Variants in BRCA1 observed in about 807,000 individuals in gnomAD.
BRCA1 encodes the protein breast cancer type 1 susceptibility protein.
Under a neutral mutation model 173.7 loss-of-function variants are expected in BRCA1, and 140 were observed. The observed-to-expected ratio is 0.81, with a 90% confidence interval of 0.70 to 0.93. BRCA1 has a LOEUF of 0.93. BRCA1 is among the 40% of genes least tolerant of loss of function. The probability of loss-of-function intolerance (pLI) is 0.00; values close to 1 mark genes in which losing one functional copy is unlikely to be tolerated. For missense variants in BRCA1, 1,983 were observed against 2,172.5 expected (o/e 0.91, Z 1.73); for synonymous variants, 662 against 756.0 (o/e 0.88, Z 2.04).
intron 18 of BRCA1, among the ~76,000 whole-genome samples, chr17:43,060,144 C>T (rs2051683948): frequency 6.6e-6 from 1 of 152,088 alleles, no homozygotes; most frequent in South Asian, 2.1e-4. Context: ...GATCTCAGCT[C>T]ACCACAACCT....
chr17:43,162,089 T>C (rs1277209659), intron 1 of BRCA1: 1 of 152,140 alleles, frequency 6.6e-6, no homozygotes, highest in African/African-American at 2.4e-5. Flanking sequence ...ATCAAGGGGA[T>C]TGGTTATTAC....
chr17:43,072,825 A>G (rs1471608692), intron 14 of BRCA1, among the ~76,000 whole-genome samples: 6 of 151,016 alleles, frequency 4.0e-5, no homozygotes, highest in Non-Finnish European at 7.4e-5. Flanking sequence ...CGGCCTCCCA[A>G]AGTGCTGGGA....
chr17:43,055,535 A>G (rs927171093), intron 19 of BRCA1, among the ~76,000 whole-genome samples: 1 of 152,226 alleles, frequency 6.6e-6, no homozygotes, highest in Non-Finnish European at 1.5e-5. Flanking sequence ...CTGTAATCCC[A>G]GCACTTTGGG....
intron 14 of BRCA1, among the ~76,000 whole-genome samples, chr17:43,072,567 A>ATT (rs75947060): frequency 1.1e-4 from 15 of 138,726 alleles, no homozygotes; most frequent in African/African-American, 3.7e-4. Context: ...CTTCCAGCTG[A>ATT]TTTTTTTTTT....
intron 3 of BRCA1, among the ~76,000 whole-genome samples, chr17:43,109,089 A>G: frequency 7.2e-6 from 1 of 138,856 alleles, no homozygotes; most frequent in Non-Finnish European, 1.6e-5. Context: ...TGAACTCCCG[A>G]CCTCAAGTGA....
At chr17:43,132,075 T>C (rs1157844116) in intron 1 of BRCA1, among the ~76,000 whole-genome samples, 2 of 152,188 alleles carry the variant, frequency 1.3e-5, no homozygotes, top group Non-Finnish European at 2.9e-5. Context: ...TGAGCCATTG[T>C]GCCCAGCCAG....
intron 1 of BRCA1, among the ~76,000 whole-genome samples, chr17:43,135,696 C>T (rs117036670): frequency 0.019 from 2,960 of 152,308 alleles, 50 homozygotes; most frequent in Non-Finnish European, 0.028. Context: ...CGGCTCCAAC[C>T]GATTCCACTT....
intron 1 of BRCA1, among the ~76,000 whole-genome samples, chr17:43,137,543 A>G (rs1158390960): frequency 6.6e-6 from 1 of 152,016 alleles, no homozygotes; most frequent in Non-Finnish European, 1.5e-5. Flanking sequence ...AAAGCAGCAT[A>G]CAAGGATGTT....
intron 11 of BRCA1, among the ~76,000 whole-genome samples, chr17:43,083,090 T>A (rs1469764046): frequency 6.6e-6 from 1 of 152,176 alleles, no homozygotes; most frequent in African/African-American, 2.4e-5. Flanking sequence ...AAAAATACTA[T>A]CAGTAATCCT....
chr17:43,071,290 A>G, intron 14 of BRCA1, 52 bp from the exon 15 acceptor site: 1 of 1,584,924 alleles, frequency 6.3e-7, no homozygotes. Flanking sequence ...GTTGAATTAC[A>G]AAGTTCTGGT....
intron 3 of BRCA1, among the ~76,000 whole-genome samples, 173 bp downstream of exon 3, chr17:43,115,553 T>C (rs2055228183): frequency 1.3e-5 from 2 of 152,060 alleles, no homozygotes; most frequent in South Asian, 4.1e-4. Context: ...GAACTATGAT[T>C]ACAACCAACT....
chr17:43,053,799 A>G (rs1265201133), intron 19 of BRCA1, among the ~76,000 whole-genome samples: 2 of 151,492 alleles, frequency 1.3e-5, no homozygotes, highest in East Asian at 2.0e-4. Context: ...GAGAAACCCC[A>G]TCTCTACTAA....
At chr17:43,058,409 A>G (rs8176277) in intron 18 of BRCA1, among the ~76,000 whole-genome samples, 10 of 152,250 alleles carry the variant, frequency 6.6e-5, no homozygotes, top group South Asian at 4.1e-4. Context: ...TAAAACAAAA[A>G]AAAGAAAGAA....
rs138794811 is a variant in BRCA1, at chr17:43,112,307, C to T, written c.134+3419G>A. On this transcript the variant is annotated intron_variant, in intron 3 of 22. Coordinates refer to ENST00000357654, the MANE Select transcript of BRCA1 (RefSeq NM_007294.4). ...GTTACCATATTGGCCAGGCTGGTCT[C>T]GAACTCCTGACCTCGTGATCCGCCC... is the stretch of plus-strand genomic sequence containing the variant. 3.6e-4 allele frequency among the ~76,000 whole-genome samples: 55 copies of T among 152,206 alleles called. 1 individual carries two copies. The highest frequency in any genetic ancestry group is 1.2e-3 in the African/African-American group (50 of 41,518).
At chr17:43,089,879 C>T (rs990613655) in intron 11 of BRCA1, among the ~76,000 whole-genome samples, 2 of 151,002 alleles carry the variant, frequency 1.3e-5, no homozygotes, top group African/African-American at 2.4e-5. Flanking sequence ...TGTTGGTGGG[C>T]GCCTGTGGTC....
At chr17:43,152,228 C>T (rs112256986) in intron 1 of BRCA1, among the ~76,000 whole-genome samples, 10 of 152,326 alleles carry the variant, frequency 6.6e-5, no homozygotes, top group African/African-American at 2.2e-4. Flanking sequence ...TTGTATATGT[C>T]TCTCTTTATT....
intron 2 of BRCA1, among the ~76,000 whole-genome samples, chr17:43,118,857 G>A (rs1376599785): frequency 6.6e-6 from 1 of 150,874 alleles, no homozygotes; most frequent in East Asian, 1.9e-4. Flanking sequence ...TCTGCCTCTC[G>A]GATTGAAGTG....
intron 19 of BRCA1, among the ~76,000 whole-genome samples, chr17:43,056,570 A>G (rs1363901351): frequency 1.3e-5 from 2 of 152,262 alleles, no homozygotes; most frequent in East Asian, 3.9e-4. Flanking sequence ...CGGGAGGATC[A>G]CAAGGTCAGG....
In BRCA1 at chr17:43,063,351, T is replaced by C. The variant is rs191373374; in HGVS notation, c.5175A>G (p.Glu1725=). Reference sequence around the variant, plus strand: ...TACTTACCTCATTCAGCATTTTTCTTTCTTTAATAGACTGGGTCACCCCTA... The same window carrying C: ...TACTTACCTCATTCAGCATTTTTCTCTCTTTAATAGACTGGGTCACCCCTA... ...SYFWVTQSIK[E]RKMLNEHDFE... The change falls in exon 18 of 23, where the codon GAA becomes GAG. Residue 1725 remains glutamate (E), a synonymous_variant. Coordinates refer to ENST00000357654, the MANE Select transcript of BRCA1 (RefSeq NM_007294.4). 70 of 1,611,322 alleles carry C rather than the reference T, an allele frequency of 4.3e-5. No individual in the cohort carries two copies. The highest frequency in any genetic ancestry group is 3.3e-4 in the Middle Eastern group (2 of 6,056).
Sources: gnomAD v4.1 joint callset for allele counts (sites outside exome capture counted in the v4.1 genomes callset) on GRCh38, gnomAD v4.1.1 for gene constraint, MANE v1.5 for transcripts, NCBI Gene and HGNC (gene_info 2026-07-23, HGNC 2026-07-21) for gene names.